Variants in PAQR3 observed in about 807,000 individuals in gnomAD.
PAQR3 encodes the protein progestin and adipoQ receptor family member 3, also known as Raf kinase trapping to Golgi.
In PAQR3, 39 loss-of-function variants were observed where a neutral mutation model predicts 41.7. The observed-to-expected ratio is 0.93, with a 90% CI of 0.72 to 1.22. The LOEUF (loss-of-function observed/expected upper bound fraction) is 1.22. PAQR3 is among the 50% of genes most tolerant of loss of function. The probability of loss-of-function intolerance (pLI) is 0.00; values close to 1 mark genes in which losing one functional copy is unlikely to be tolerated. For synonymous variants in PAQR3, 140 were observed against 140.6 expected, an observed-to-expected ratio of 1.00 and a Z score of 0.03; for missense variants, 366 against 385.6, an observed-to-expected ratio of 0.95 and a Z score of 0.42.
chr4:78,912,176 T>A lies in PAQR3; in HGVS notation c.*8363A>T. 2 of 763,476 alleles carry A rather than the reference T, an allele frequency of 2.6e-6. No homozygotes were observed. Among genetic ancestry groups the A allele is most frequent in the South Asian group, 3.7e-5 (2 of 54,232 alleles). 47.3% of individuals were successfully genotyped at this position (763,476 alleles called of 1,614,324 possible). A position where few individuals can be genotyped will look rare whatever the true frequency, so the allele number is the denominator to read the frequency against. ...ATAGGTGATTTCTAAATAAACCAAA[T>A]AGAAGAATGAAGTATCTCTACAGGG... is the stretch of plus-strand genomic sequence containing the variant. On this transcript the variant is annotated 3_prime_UTR_variant, in exon 6 of 6. Transcript: ENST00000512733.
downstream of PAQR3, among the ~76,000 whole-genome samples, chr4:78,910,329 T>C (rs1734519652): frequency 6.6e-6 from 1 of 152,188 alleles, no homozygotes; most frequent in South Asian, 2.1e-4. Context: ...TCTACTACAT[T>C]CTGTGTGCTA....
intron 2 of PAQR3, among the ~76,000 whole-genome samples, chr4:78,934,633 T>C (rs1443488256): frequency 6.6e-6 from 1 of 152,184 alleles, no homozygotes; most frequent in Non-Finnish European, 1.5e-5. Context: ...AACAACGTAT[T>C]TGAAGCCAGG....
downstream of PAQR3, chr4:78,887,102 A>T: frequency 9.5e-7 from 1 of 1,054,138 alleles, no homozygotes; most frequent in Non-Finnish European, 1.4e-6. Flanking sequence ...ATTTATATGT[A>T]TATCACTTTT....
chr4:78,906,253 T>C (rs1041876688), intron 10 of PAQR3: 5 of 152,106 alleles, frequency 3.3e-5, no homozygotes, highest in African/African-American at 1.2e-4. Flanking sequence ...ATAACAGCAG[T>C]AAAAGTGTAG....
intron 5 of PAQR3, chr4:78,923,414 G>A (rs1177881336): frequency 4.8e-6 from 1 of 208,844 alleles, no homozygotes; most frequent in Non-Finnish European, 9.6e-6. Flanking sequence ...CAAGTGACAT[G>A]TTGGTGTGCT....
At chr4:78,904,826 ATTAT>A (rs1734204801) in intron 11 of PAQR3, among the ~76,000 whole-genome samples, 1 of 151,902 alleles carries the variant, frequency 6.6e-6, no homozygotes, top group African/African-American at 2.4e-5. Context: ...TAAGAGCATA[ATTAT>A]TATATATTGT....
At position 78,939,231 on chromosome 4, in the gene PAQR3, C is replaced by G; in HGVS notation, c.-7G>C. On this transcript the variant is annotated 5_prime_UTR_variant, in exon 1 of 6. Transcript: ENST00000512733. Reference sequence around the variant, plus strand: ...TCAGCAGCTTCTGATGCATCGTTCCCGGCCGCCGCCGCTCCCCGGCTCGGG... The same window carrying G: ...TCAGCAGCTTCTGATGCATCGTTCCGGGCCGCCGCCGCTCCCCGGCTCGGG... The G allele has an allele frequency of 1.3e-6, 2 of 1,575,132 alleles. No homozygotes were observed. Among genetic ancestry groups the G allele is most frequent in the Non-Finnish European group, 1.7e-6 (2 of 1,163,706 alleles).
intron 1 of PAQR3, among the ~76,000 whole-genome samples, chr4:78,937,804 T>C (rs1469619706): frequency 6.6e-6 from 1 of 152,178 alleles, no homozygotes; most frequent in Non-Finnish European, 1.5e-5. Context: ...TCCATGAGAT[T>C]TGGACCCTAA....
At chr4:78,889,707 C>T (rs1212110527) in intron 11 of PAQR3, among the ~76,000 whole-genome samples, 1 of 151,972 alleles carries the variant, frequency 6.6e-6, no homozygotes, top group Non-Finnish European at 1.5e-5. Context: ...GGACTAGGAC[C>T]CAAGAAAGGC....
intron 4 of PAQR3, among the ~76,000 whole-genome samples, chr4:78,925,508 C>T (rs1231052075): frequency 6.6e-6 from 1 of 152,132 alleles, no homozygotes; most frequent in Non-Finnish European, 1.5e-5. Flanking sequence ...GGCCAAGTAG[C>T]CAGATTATAT....
downstream of PAQR3, chr4:78,911,033 C>T (rs776261781): frequency 5.6e-6 from 9 of 1,613,760 alleles, no homozygotes; most frequent in Non-Finnish European, 7.6e-6. Flanking sequence ...AGTGGACCAA[C>T]CCAAGATCTT....
At chr4:78,925,086 T>C (rs973991017) in intron 4 of PAQR3, among the ~76,000 whole-genome samples, 3 of 152,148 alleles carry the variant, frequency 2.0e-5, no homozygotes, top group Non-Finnish European at 4.4e-5. Flanking sequence ...TTCCCTTTGC[T>C]TCCTCACCGG....
chr4:78,899,700 T>A (rs1733897018), intron 11 of PAQR3, among the ~76,000 whole-genome samples: 1 of 152,016 alleles, frequency 6.6e-6, no homozygotes, highest in Non-Finnish European at 1.5e-5. Flanking sequence ...TTTTGAAATG[T>A]CCACAGGGTT....
chr4:78,922,766 A>C (rs912941097), intron 5 of PAQR3: 8 of 363,556 alleles, frequency 2.2e-5, no homozygotes, highest in African/African-American at 4.3e-5. Context: ...CCCTGGGGGG[A>C]AAAAAAAGTA....
intron 11 of PAQR3, among the ~76,000 whole-genome samples, chr4:78,890,432 C>T (rs1323978199): frequency 6.7e-6 from 1 of 149,330 alleles, no homozygotes; most frequent in Non-Finnish European, 1.5e-5. Context: ...ACACACGTGT[C>T]CTGTCCTTAC....
Position 78,916,996 on chromosome 4 carries a change from CTTTG to C in PAQR3, c.*3539_*3542del, listed in dbSNP as rs1207704288. 6.6e-6 allele frequency: 1 copy of C among 151,790 alleles called. No homozygotes were observed. Among genetic ancestry groups the C allele is most frequent in the African/African-American group, 2.4e-5 (1 of 41,436 alleles). 9.4% of individuals were successfully genotyped at this position (151,790 alleles called of 1,614,324 possible). ...TCTAAAGTTATGTGAAAAAAAGGGG[CTTTG>C]TATCTTTTTAATGAAAATGAATGGT... On this transcript the variant is annotated 3_prime_UTR_variant, in exon 6 of 6. Transcript: ENST00000512733.
chr4:78,910,633 C>T, downstream of PAQR3: 3 of 1,544,026 alleles, frequency 1.9e-6, no homozygotes, highest in Non-Finnish European at 2.6e-6. Flanking sequence ...GAAAGCTGAA[C>T]ATTCATCTAT....
chr4:78,939,363 C>T lies in PAQR3; in HGVS notation c.-139G>A, dbSNP rs376839231. The T allele has an allele frequency of 2.6e-4, 175 of 675,366 alleles. 3 individuals carry two copies. In the East Asian group the frequency reaches 4.1e-3, roughly 16 times the overall value. The allele number at this position is 675,366 out of a possible 1,614,324, so 41.8% of individuals were successfully genotyped here. ...GTCCTACCGCGCTGCCGCTGCTGCC[C>T]AGGGCCCGGCTCTGCGCTCACACCG... On this transcript the variant is annotated 5_prime_UTR_variant, in exon 1 of 6. Coordinates refer to ENST00000512733, the MANE Select transcript of PAQR3 (RefSeq NM_001040202.2).
intron 3 of PAQR3, among the ~76,000 whole-genome samples, chr4:78,929,617 A>T (rs985148492): frequency 6.6e-6 from 1 of 152,246 alleles, no homozygotes; most frequent in African/African-American, 2.4e-5. Flanking sequence ...GACACATCTC[A>T]CATTTGTTAA....
Sources: allele counts gnomAD v4.1 joint callset (sites outside exome capture counted in the v4.1 genomes callset), GRCh38; gene constraint gnomAD v4.1.1; transcripts MANE v1.5; gene names NCBI Gene and HGNC (gene_info 2026-07-23, HGNC 2026-07-21).